Variants in TTC39B observed in about 807,000 individuals in gnomAD.
The protein encoded by TTC39B is tetratricopeptide repeat protein 39B.
In TTC39B, 92 loss-of-function variants were observed where a neutral mutation model predicts 96.6. The observed-to-expected ratio is 0.95, with a 90% CI of 0.80 to 1.13. TTC39B has a LOEUF of 1.13. Ranked by LOEUF, TTC39B falls within the 50% of genes most tolerant of loss-of-function variation. TTC39B has a pLI of 0.00. For missense variants in TTC39B, 955 were observed against 809.3 expected (o/e 1.18, Z -2.18); for synonymous variants, 367 against 299.4 (o/e 1.23, Z -2.33).
At chr9:15,281,583 C>A (rs569063227) in intron 1 of TTC39B, among the ~76,000 whole-genome samples, 2 of 119,640 alleles carry the variant, frequency 1.7e-5, no homozygotes, top group African/African-American at 6.7e-5. Context: ...TCTGCTAAGA[C>A]TAAATTATCC....
intron 13 of TTC39B, 109 bp downstream of exon 13, chr9:15,189,465 C>A: frequency 1.8e-6 from 2 of 1,112,700 alleles, no homozygotes; most frequent in Non-Finnish European, 2.6e-6. Flanking sequence ...TTATTTTTGT[C>A]TAGTCCATAT....
At chr9:15,297,102 A>G (rs1054080318) in intron 1 of TTC39B, among the ~76,000 whole-genome samples, 2 of 152,202 alleles carry the variant, frequency 1.3e-5, no homozygotes, top group African/African-American at 4.8e-5. Flanking sequence ...TCCTGCATTA[A>G]TCACTTAAAG....
At chr9:15,259,058 T>C (rs1822855508) in intron 2 of TTC39B, among the ~76,000 whole-genome samples, 1 of 152,090 alleles carries the variant, frequency 6.6e-6, no homozygotes, top group East Asian at 1.9e-4. Flanking sequence ...GCAAGCCCAG[T>C]GGTAACAGAA....
At chr9:15,213,277 G>A (rs1489443592) in intron 4 of TTC39B, among the ~76,000 whole-genome samples, 2 of 152,180 alleles carry the variant, frequency 1.3e-5, no homozygotes, top group Non-Finnish European at 2.9e-5. Context: ...GCAAGGTGGA[G>A]ATTGTGAGGC....
chr9:15,294,692 T>C (rs1824308150), intron 1 of TTC39B, among the ~76,000 whole-genome samples: 1 of 152,186 alleles, frequency 6.6e-6, no homozygotes, highest in Non-Finnish European at 1.5e-5. Context: ...GCTGGAGTCC[T>C]GGGTATTAGC....
intron 2 of TTC39B, among the ~76,000 whole-genome samples, chr9:15,230,147 T>A (rs370244621): frequency 6.6e-6 from 1 of 152,218 alleles, no homozygotes. Flanking sequence ...CACACCAAAC[T>A]TCAATTACAG....
chr9:15,190,759 T>C, intron 10 of TTC39B, 97 bp from the exon 11 acceptor site: 1 of 973,642 alleles, frequency 1.0e-6, no homozygotes, highest in Admixed American at 2.1e-5. Flanking sequence ...GGGTTACAAG[T>C]ACAGATTTCA....
At chr9:15,284,485 G>T (rs1172173637) in intron 1 of TTC39B, among the ~76,000 whole-genome samples, 2 of 152,098 alleles carry the variant, frequency 1.3e-5, no homozygotes, top group Non-Finnish European at 2.9e-5. Flanking sequence ...ATCTTCAATA[G>T]ATAATTAAAT....
At chr9:15,231,170 C>G (rs1162362744) in intron 2 of TTC39B, among the ~76,000 whole-genome samples, 1 of 151,798 alleles carries the variant, frequency 6.6e-6, no homozygotes, top group Non-Finnish European at 1.5e-5. Flanking sequence ...GTGATTTTTC[C>G]GATTTTTTTA....
intron 3 of TTC39B, among the ~76,000 whole-genome samples, chr9:15,224,955 A>G (rs1821042255): frequency 6.6e-6 from 1 of 152,230 alleles, no homozygotes; most frequent in African/African-American, 2.4e-5. Context: ...TTTCAAATGC[A>G]AAATCCAAAA....
intron 2 of TTC39B, among the ~76,000 whole-genome samples, chr9:15,231,462 T>A (rs1208459773): frequency 6.6e-6 from 1 of 152,234 alleles, no homozygotes; most frequent in Non-Finnish European, 1.5e-5. Flanking sequence ...ATGTTGAGAA[T>A]CTTTTTTAAG....
intron 7 of TTC39B, among the ~76,000 whole-genome samples, chr9:15,202,608 G>C (rs951446204): frequency 6.6e-6 from 1 of 151,746 alleles, no homozygotes; most frequent in Non-Finnish European, 1.5e-5. Flanking sequence ...GCTACTCGGG[G>C]GGCTGAGACA....
At position 15,261,785 on chromosome 9, in the gene TTC39B, A is replaced by G. The variant is rs140524344; in HGVS notation, c.275+6129T>C. 5.9e-5 allele frequency among the ~76,000 whole-genome samples: 9 copies of G among 152,204 alleles called. No homozygotes were observed. The East Asian group carries it at 1.7e-3, about 29-fold the overall frequency. On this transcript the variant is annotated intron_variant, in intron 2 of 19. Transcript: ENST00000512701. ...TTTCTTTTGGAATTCCCAAAACACA[A>G]TATTTACTCTTCACATGCCATATCA...
chr9:15,204,770 C>T (rs760113320), intron 6 of TTC39B, among the ~76,000 whole-genome samples: 4 of 152,042 alleles, frequency 2.6e-5, no homozygotes, highest in Admixed American at 6.6e-5. Flanking sequence ...TAGCACTACC[C>T]CAGTTTCAGG....
intron 1 of TTC39B, among the ~76,000 whole-genome samples, chr9:15,301,641 A>G (rs1451347063): frequency 6.6e-6 from 1 of 152,086 alleles, no homozygotes; most frequent in African/African-American, 2.4e-5. Context: ...CTGTAACCCC[A>G]GCTACTCGGG....
intron 2 of TTC39B, among the ~76,000 whole-genome samples, chr9:15,264,974 G>A (rs141027376): frequency 5.9e-5 from 9 of 151,972 alleles, no homozygotes; most frequent in African/African-American, 1.9e-4. Flanking sequence ...CTAGATCAAA[G>A]GAACTGAATG....
intron 1 of TTC39B, among the ~76,000 whole-genome samples, chr9:15,278,804 A>G (rs1412172994): frequency 6.6e-6 from 1 of 152,250 alleles, no homozygotes; most frequent in African/African-American, 2.4e-5. Context: ...ATACTCATAA[A>G]AAGTGAGCAT....
At chr9:15,205,953 T>C (rs1215320087) in intron 6 of TTC39B, among the ~76,000 whole-genome samples, 7 of 152,116 alleles carry the variant, frequency 4.6e-5, no homozygotes, top group African/African-American at 1.4e-4. Flanking sequence ...GGCTCAATTA[T>C]AAGTGGCCTT....
chr9:15,250,766 G>T (rs925924249), intron 2 of TTC39B, among the ~76,000 whole-genome samples: 1 of 152,084 alleles, frequency 6.6e-6, no homozygotes, highest in African/African-American at 2.4e-5. Flanking sequence ...TACTTTTTTG[G>T]TTTAAATAGA....
Sources: allele counts gnomAD v4.1 joint callset (sites outside exome capture counted in the v4.1 genomes callset), GRCh38; gene constraint gnomAD v4.1.1; transcripts MANE v1.5; gene names NCBI Gene and HGNC (gene_info 2026-07-23, HGNC 2026-07-21).